Variants in CENPE observed in about 807,000 individuals in gnomAD.
The protein encoded by CENPE is centromere-associated protein E.
CENPE carries 145 observed loss-of-function variants against 336.1 expected under a neutral mutation model. The observed-to-expected ratio is 0.43, with a 90% CI of 0.38 to 0.50. The LOEUF is 0.50. Ranked by LOEUF, CENPE falls within the 20% of genes least tolerant of loss-of-function variation. The pLI, the probability that CENPE is intolerant of heterozygous loss-of-function variation, is 0.00. For missense variants in CENPE, 2,719 were observed against 3,023.3 expected (o/e 0.90, Z 2.36); for synonymous variants, 1,013 against 984.8 (o/e 1.03, Z -0.54).
intron 44 of CENPE, among the ~76,000 whole-genome samples, chr4:103,118,121 G>C (rs1192977020): frequency 1.3e-5 from 2 of 152,154 alleles, no homozygotes; most frequent in Non-Finnish European, 2.9e-5. Context: ...AATCATACAA[G>C]TATGCTTAGT....
intron 42 of CENPE, among the ~76,000 whole-genome samples, chr4:103,130,699 C>T (rs1751506893): frequency 6.6e-6 from 1 of 152,076 alleles, no homozygotes; most frequent in Admixed American, 6.5e-5. Flanking sequence ...GAATAACCAA[C>T]ACAATGCTGA....
chr4:103,179,420 T>C (rs147430663), intron 13 of CENPE, among the ~76,000 whole-genome samples: 13 of 152,356 alleles, frequency 8.5e-5, no homozygotes, highest in African/African-American at 2.9e-4. Context: ...ATAATGTTTC[T>C]TCACAACTCC....
At chr4:103,177,767 T>G (rs1156478060) in intron 13 of CENPE, among the ~76,000 whole-genome samples, 1 of 151,932 alleles carries the variant, frequency 6.6e-6, no homozygotes, top group Non-Finnish European at 1.5e-5. Flanking sequence ...CATGCCTCTC[T>G]GAGTGCTGTC....
chr4:103,159,180 T>A lies in CENPE; in HGVS notation c.2431A>T (p.Asn811Tyr). 6.2e-7 allele frequency: 1 copy of A among 1,612,802 alleles called. No individual in the cohort carries two copies. Among genetic ancestry groups the A allele is most frequent in the Non-Finnish European group, 8.5e-7 (1 of 1,179,238 alleles). Residue 811 changes from asparagine (N) to tyrosine (Y), a missense_variant, in exon 22 of 49, where the codon AAT becomes TAT. Asn to Tyr is a moderately radical substitution (Grantham distance 143, BLOSUM62 -2). Around this residue, in one of 5 missense-constraint regions of CENPE, gnomAD observed 2,437 missense variants for 2,513.3 expected, o/e 0.97. Coordinates refer to ENST00000265148, the MANE Select transcript of CENPE (RefSeq NM_001813.3). ...AATTCTTGATCAGTGCTTTTATAATTCGACTGTGTAGTTGCTAGGTCATCT... is the reference window on the plus strand; with the variant it reads ...AATTCTTGATCAGTGCTTTTATAATACGACTGTGTAGTTGCTAGGTCATCT... ...TKDDLATTQS[N>Y]YKSTDQEFQN...
intron 42 of CENPE, among the ~76,000 whole-genome samples, chr4:103,132,401 G>C (rs1199361184): frequency 2.0e-5 from 3 of 152,264 alleles, no homozygotes; most frequent in African/African-American, 4.8e-5. Context: ...CGTGGAAAAG[G>C]CTCAGTTCTT....
At chr4:103,164,610 CTAATA>C (rs1226892851) in intron 16 of CENPE, among the ~76,000 whole-genome samples, 5 of 152,016 alleles carry the variant, frequency 3.3e-5, no homozygotes, top group Non-Finnish European at 5.9e-5. Context: ...TTTATTCAAC[CTAATA>C]TATCAAAAAT....
chr4:103,158,711 GT>G lies in CENPE; in HGVS notation c.2776del (p.Thr926LeufsTer2). 1 of 1,612,872 alleles carries G rather than the reference GT, an allele frequency of 6.2e-7. No homozygotes were observed. Among genetic ancestry groups the G allele is most frequent in the East Asian group, 2.2e-5 (1 of 44,814 alleles). On this transcript the variant is annotated frameshift_variant, in exon 23 of 49. Transcript: ENST00000265148. LOFTEE classifies it high-confidence loss of function. ...KLQQTLEEVK[T>X]LTQEKDDLKQ... is the part of the protein sequence containing the mutation. ...TAGATCATCTTTTTCTTGAGTTAAAGTTTTTACTTCTTCTAAAGTTTGCTGC... is the reference window on the plus strand; with the variant it reads ...TAGATCATCTTTTTCTTGAGTTAAAGTTTTACTTCTTCTAAAGTTTGCTGC...
chr4:103,185,330 C>A (rs1034383834), intron 9 of CENPE, among the ~76,000 whole-genome samples: 1 of 146,588 alleles, frequency 6.8e-6, no homozygotes, highest in Non-Finnish European at 1.5e-5. Flanking sequence ...AAAAAGTTTT[C>A]TTTATATCAG....
intron 15 of CENPE, 122 bp from the exon 16 acceptor site, chr4:103,175,025 C>T: frequency 3.4e-6 from 2 of 582,380 alleles, no homozygotes; most frequent in Middle Eastern, 4.8e-4. Context: ...TAAAGTTCTA[C>T]ATTTTGGCAA....
intron 28 of CENPE, among the ~76,000 whole-genome samples, chr4:103,148,497 A>G (rs1270335011): frequency 6.6e-6 from 1 of 152,204 alleles, no homozygotes; most frequent in Non-Finnish European, 1.5e-5. Flanking sequence ...TACAGTCTCA[A>G]TGTCTGGCAT....
intron 44 of CENPE, among the ~76,000 whole-genome samples, chr4:103,117,558 T>C (rs1189369302): frequency 1.3e-5 from 2 of 151,952 alleles, no homozygotes; most frequent in African/African-American, 4.8e-5. Flanking sequence ...ATACAGTATG[T>C]AGCCTTTCCA....
Position 103,159,893 on chromosome 4 carries a change from T to C in CENPE, c.2287-569A>G, listed in dbSNP as rs898464701. 1.6e-4 allele frequency among the ~76,000 whole-genome samples: 24 copies of C among 151,622 alleles called. 1 individual carries two copies. On this transcript the variant is annotated intron_variant, in intron 21 of 48. Coordinates refer to ENST00000265148, the MANE Select transcript of CENPE (RefSeq NM_001813.3). ...TTAACAGTTTAATCACTGTGAAAGATAAGGGCAGAGAGAGATGAGAAAAAA... is the reference window on the plus strand; with the variant it reads ...TTAACAGTTTAATCACTGTGAAAGACAAGGGCAGAGAGAGATGAGAAAAAA...
chr4:103,148,127 T>TA (rs1323784348), intron 28 of CENPE, among the ~76,000 whole-genome samples: 1 of 152,220 alleles, frequency 6.6e-6, no homozygotes, highest in Non-Finnish European at 1.5e-5. Context: ...CTGCTAAAGC[T>TA]ATTCATGACT....
Position 103,141,107 on chromosome 4 carries a change from T to A in CENPE, c.5464-3A>T. On this transcript the variant is annotated splice_region_variant and splice_polypyrimidine_tract_variant and intron_variant, in intron 35 of 48. Coordinates refer to ENST00000265148, the MANE Select transcript of CENPE (RefSeq NM_001813.3). Reference sequence around the variant, plus strand: ...TCATTTGCCTTAAGTTCTTGAATCTTAAGATAATCATAAAATAATATGTTA... The same window carrying A: ...TCATTTGCCTTAAGTTCTTGAATCTAAAGATAATCATAAAATAATATGTTA... 1 of 1,488,986 alleles carries A rather than the reference T, an allele frequency of 6.7e-7. No individual in the cohort carries two copies. Among genetic ancestry groups the A allele is most frequent in the Non-Finnish European group, 9.1e-7 (1 of 1,095,970 alleles). The allele number at this position is 1,488,986 out of a possible 1,614,324, so 92.2% of individuals were successfully genotyped here.
Position 103,132,848 on chromosome 4 carries a change from C to A in CENPE, c.6769G>T (p.Glu2257Ter). 1 of 1,566,192 alleles carries A rather than the reference C, an allele frequency of 6.4e-7. No homozygotes were observed. The highest frequency in any genetic ancestry group is 1.2e-5 in the South Asian group (1 of 82,064). The stretch of plus-strand genomic sequence containing the variant: ...CTATTACTTAGTACTTGTTGAAATT[C>A]AGTCTTTATGCTAGGGAACTCACTT... ...SESEFPSIKTEFQQVLSNRKE... is the reference protein window; with the variant it reads ...SESEFPSIKT Residue 2257 changes from glutamate to a stop codon, truncating the protein, a stop_gained, in exon 42 of 49, where the codon GAA (glutamate) becomes TAA (stop). Transcript: ENST00000265148. LOFTEE classifies it high-confidence loss of function.
At chr4:103,183,912 T>A (rs1383697204) in intron 9 of CENPE, among the ~76,000 whole-genome samples, 1 of 152,202 alleles carries the variant, frequency 6.6e-6, no homozygotes, top group Non-Finnish European at 1.5e-5. Flanking sequence ...TTTTCTCACT[T>A]GGCAACATAT....
intron 4 of CENPE, among the ~76,000 whole-genome samples, chr4:103,195,663 C>A (rs970379803): frequency 6.6e-6 from 1 of 152,004 alleles, no homozygotes; most frequent in Non-Finnish European, 1.5e-5. Flanking sequence ...TTTTCTTGTT[C>A]CTTAATGCCT....
intron 31 of CENPE, 33 bp from the exon 32 acceptor site, chr4:103,145,367 A>G (rs749038550): frequency 2.8e-6 from 4 of 1,427,368 alleles, no homozygotes; most frequent in Non-Finnish European, 3.9e-6. Context: ...GTTAATAGTC[A>G]TAAAAATATG....
At chr4:103,160,532 G>A in intron 21 of CENPE, 93 bp downstream of exon 21, 1 of 1,071,784 alleles carries the variant, frequency 9.3e-7, no homozygotes, top group Non-Finnish European at 1.3e-6. Flanking sequence ...TTGTCTGCTA[G>A]TTTAAAATAA....
Sources: gnomAD v4.1 joint callset for allele counts (sites outside exome capture counted in the v4.1 genomes callset) on GRCh38, gnomAD v4.1.1 for gene constraint, gnomAD v4.1.1 regional missense constraint, MANE v1.5 for transcripts, NCBI Gene and HGNC (gene_info 2026-07-23, HGNC 2026-07-21) for gene names.